The following FHOD3 variants were observed in gnomAD, a reference collection of about 807,000 sequenced individuals.
The protein encoded by FHOD3 is formin homology 2 domain containing 3, also known as FH1/FH2 domain-containing protein 3.
Under a neutral mutation model 173.0 loss-of-function variants are expected in FHOD3, and 90 were observed. The ratio of observed to expected loss-of-function variants is 0.52; its 90% CI spans 0.44 to 0.62. FHOD3 has a LOEUF of 0.62. Ranked by LOEUF, FHOD3 falls within the 20% of genes least tolerant of loss-of-function variation. The pLI, the probability that FHOD3 is intolerant of heterozygous loss-of-function variation, is 0.00. For missense variants in FHOD3, 1,945 were observed against 2,034.7 expected, an observed-to-expected ratio of 0.96 and a Z score of 0.85; for synonymous variants, 828 against 823.0, an observed-to-expected ratio of 1.01 and a Z score of -0.10.
chr18:36,310,382 G>T (rs2092223576), intron 1 of FHOD3, among the ~76,000 whole-genome samples: 1 of 152,090 alleles, frequency 6.6e-6, no homozygotes, highest in Non-Finnish European at 1.5e-5. Flanking sequence ...AGGCCTGTGG[G>T]GCTATAGAAA....
intron 6 of FHOD3, among the ~76,000 whole-genome samples, chr18:36,594,104 A>G (rs2029888250): frequency 6.6e-6 from 1 of 152,308 alleles, no homozygotes; most frequent in South Asian, 2.1e-4. Flanking sequence ...AATCTGTGGC[A>G]GCTTCAGTTG....
At chr18:36,681,339 G>A in intron 14 of FHOD3, 97 bp from the exon 15 acceptor site, 2 of 1,449,036 alleles carry the variant, frequency 1.4e-6, no homozygotes, top group South Asian at 1.4e-5. Context: ...CTAGGTACCG[G>A]CAGACCCTCA....
In FHOD3 at chr18:36,645,414, T is replaced by TGA. The variant is rs532764077; in HGVS notation, c.1197-3899_1197-3898dup. On this transcript the variant is annotated intron_variant, in intron 10 of 28. Transcript: ENST00000590592. ...CTGCACCTCAGCCTGGGTGACAGAG[T>TGA]GAGACTCTGTCTCAAAAAAAAAGGA... Among the ~76,000 whole-genome samples the TGA allele has an allele frequency of 3.0e-3, 452 of 151,884 alleles. 3 individuals carry two copies. Among genetic ancestry groups the TGA allele is most frequent in the Middle Eastern group, 6.8e-3 (2 of 294 alleles).
At chr18:36,386,109 A>T (rs886133719) in intron 3 of FHOD3, among the ~76,000 whole-genome samples, 1 of 152,256 alleles carries the variant, frequency 6.6e-6, no homozygotes, top group African/African-American at 2.4e-5. Context: ...CCAAAAATAC[A>T]ATCTGTATGT....
At position 36,754,385 on chromosome 18, in the gene FHOD3, T is replaced by A. The variant is rs184816160; in HGVS notation, c.4233-734T>A. ...GTCTCCCACTGTGTTCTTTCTCATT[T>A]CCTAATAACTAAAATTTGGGTACTT... On this transcript the variant is annotated intron_variant, in intron 24 of 28. Coordinates refer to ENST00000590592, the MANE Select transcript of FHOD3 (RefSeq NM_001281740.3). Among the ~76,000 whole-genome samples the A allele has an allele frequency of 3.6e-4, 55 of 152,322 alleles. No homozygotes were observed. In the East Asian group the frequency reaches 8.3e-3, roughly 23 times the overall value.
chr18:36,411,286 A>G (rs2049340551), intron 3 of FHOD3, among the ~76,000 whole-genome samples: 1 of 152,230 alleles, frequency 6.6e-6, no homozygotes, highest in South Asian at 2.1e-4. Context: ...TAATAAATAC[A>G]TTTTAAATTT....
chr18:36,507,032 T>A (rs916418128), intron 4 of FHOD3, among the ~76,000 whole-genome samples: 1 of 152,268 alleles, frequency 6.6e-6, no homozygotes, highest in African/African-American at 2.4e-5. Context: ...ACAGATATTC[T>A]GGTGATGCCA....
At chr18:36,532,080 C>T (rs182506301) in intron 5 of FHOD3, among the ~76,000 whole-genome samples, 135 of 152,348 alleles carry the variant, frequency 8.9e-4, no homozygotes, top group African/African-American at 2.9e-3. Flanking sequence ...AATCTCCCTG[C>T]GGCGTGGCTT....
intron 21 of FHOD3, among the ~76,000 whole-genome samples, chr18:36,742,063 G>C (rs2041927704): frequency 2.0e-5 from 3 of 152,132 alleles, no homozygotes; most frequent in African/African-American, 7.2e-5. Flanking sequence ...GGCAAGACCT[G>C]GGCTGGAGAA....
intron 3 of FHOD3, among the ~76,000 whole-genome samples, chr18:36,476,155 G>A (rs553452281): frequency 5.9e-5 from 9 of 152,268 alleles, no homozygotes; most frequent in African/African-American, 1.4e-4. Flanking sequence ...TGCTGAGTGC[G>A]TCCCAAGGAT....
At chr18:36,518,240 A>G (rs925195624) in intron 5 of FHOD3, among the ~76,000 whole-genome samples, 4 of 152,140 alleles carry the variant, frequency 2.6e-5, no homozygotes, top group Non-Finnish European at 5.9e-5. Context: ...TGGCTACTGT[A>G]TTTTCCACGG....
At chr18:36,429,186 G>A (rs562309259) in intron 3 of FHOD3, among the ~76,000 whole-genome samples, 22 of 152,262 alleles carry the variant, frequency 1.4e-4, no homozygotes, top group African/African-American at 3.1e-4. Flanking sequence ...CTGACTATCC[G>A]CTTTGTGGAT....
intron 2 of FHOD3, among the ~76,000 whole-genome samples, chr18:36,358,419 G>T (rs928034922): frequency 6.6e-5 from 10 of 152,178 alleles, no homozygotes; most frequent in African/African-American, 2.4e-4. Context: ...AAGAGCCAGG[G>T]CATCCTGCTA....
intron 13 of FHOD3, among the ~76,000 whole-genome samples, chr18:36,655,038 T>G (rs954116509): frequency 4.1e-5 from 6 of 144,976 alleles, no homozygotes; most frequent in Admixed American, 2.9e-4. Context: ...GAACTGAGCT[T>G]CTTTTTTTTT....
chr18:36,347,152 C>G (rs2045915730), intron 1 of FHOD3, among the ~76,000 whole-genome samples: 1 of 152,138 alleles, frequency 6.6e-6, no homozygotes, highest in Admixed American at 6.5e-5. Flanking sequence ...AATAATAATC[C>G]TGAAACATAG....
At chr18:36,678,665 G>T (rs1386256066) in intron 14 of FHOD3, among the ~76,000 whole-genome samples, 1 of 146,322 alleles carries the variant, frequency 6.8e-6, no homozygotes. Flanking sequence ...ATAGTAAAGG[G>T]TTTTTTTTTT....
chr18:36,444,597 T>C (rs2051356877), intron 3 of FHOD3, among the ~76,000 whole-genome samples: 1 of 152,176 alleles, frequency 6.6e-6, no homozygotes, highest in Non-Finnish European at 1.5e-5. Flanking sequence ...ATAACTAGTC[T>C]CCTTTCTGGT....
At chr18:36,306,659 T>G (rs2092108189) in intron 1 of FHOD3, among the ~76,000 whole-genome samples, 1 of 152,212 alleles carries the variant, frequency 6.6e-6, no homozygotes, top group South Asian at 2.1e-4. Flanking sequence ...TTGGTCCACT[T>G]CTCCATGAAG....
chr18:36,546,090 G>A (rs2057400295), intron 5 of FHOD3, among the ~76,000 whole-genome samples: 1 of 152,174 alleles, frequency 6.6e-6, no homozygotes, highest in Non-Finnish European at 1.5e-5. Flanking sequence ...GTAAGTGCTG[G>A]TGCTTTAAGG....
Sources: allele counts gnomAD v4.1 joint callset (sites outside exome capture counted in the v4.1 genomes callset), GRCh38; gene constraint gnomAD v4.1.1; transcripts MANE v1.5; gene names NCBI Gene and HGNC (gene_info 2026-07-23, HGNC 2026-07-21).